The following KLHL24 variants were observed in gnomAD, a reference collection of about 807,000 sequenced individuals.
KLHL24 encodes kelch-like protein 24.
In KLHL24, 29 loss-of-function variants were observed where a neutral mutation model predicts 53.4. The observed-to-expected ratio is 0.54, with a 90% CI of 0.40 to 0.74. The LOEUF is 0.74. Among genes scored for constraint, KLHL24 ranks in the 30% least tolerant of loss-of-function variants. KLHL24 has a pLI of 0.00. For missense variants in KLHL24, 504 were observed against 744.0 expected (o/e 0.68, Z 3.75); for synonymous variants, 222 against 253.7 (o/e 0.88, Z 1.19).
intron 5 of KLHL24, among the ~76,000 whole-genome samples, chr3:183,669,838 C>T (rs927574981): frequency 2.0e-5 from 3 of 152,054 alleles, no homozygotes; most frequent in African/African-American, 7.2e-5. Flanking sequence ...TGGGTGATGG[C>T]AGCGGGAAAC....
In KLHL24 at chr3:183,641,457, A is replaced by G. The variant is rs904984079; in HGVS notation, c.-124-2023A>G. On this transcript the variant is annotated intron_variant, in intron 1 of 7. Transcript: ENST00000242810. ...CATGCCACTGCACTCCAGCCTGGCA[A>G]CAGAGTGAGACTGTCTCAAAAAAAA... Among the ~76,000 whole-genome samples, 19 of 142,418 alleles carry G rather than the reference A, an allele frequency of 1.3e-4. No homozygotes were observed. The Admixed American group carries it at 1.4e-3, about 10-fold the overall frequency. The allele number at this position is 142,418 out of a possible 152,430, so 93.4% of individuals were successfully genotyped here. A position where few individuals can be genotyped will look rare whatever the true frequency, so the allele number is the denominator to read the frequency against.
chr3:183,663,648 T>C lies in KLHL24; in HGVS notation c.1105+6T>C. 1 of 1,497,692 alleles carries C rather than the reference T, an allele frequency of 6.7e-7. No individual in the cohort carries two copies. The highest frequency in any genetic ancestry group is 9.0e-7 in the Non-Finnish European group (1 of 1,106,720). The allele number at this position is 1,497,692 out of a possible 1,614,324, so 92.8% of individuals were successfully genotyped here. A position where few individuals can be genotyped will look rare whatever the true frequency, so the allele number is the denominator to read the frequency against. ...GAATGACATTCTTGTTTCAGGTAAA[T>C]ATAGAATTATTACAGTAGCTACTTT... is the stretch of plus-strand genomic sequence containing the variant. On this transcript the variant is annotated splice_donor_region_variant and intron_variant, in intron 4 of 7. Transcript: ENST00000242810. The surrounding 1 kb of genome is among the most constrained non-coding windows in gnomAD (Gnocchi z 4.9).
intron 1 of KLHL24, among the ~76,000 whole-genome samples, chr3:183,638,359 C>G (rs1715718106): frequency 6.6e-6 from 1 of 152,144 alleles, no homozygotes; most frequent in African/African-American, 2.4e-5. Flanking sequence ...TTTTTAACTT[C>G]CTTTTCTCCC....
chr3:183,662,139 C>T (rs185764051), intron 3 of KLHL24, among the ~76,000 whole-genome samples: 67 of 152,104 alleles, frequency 4.4e-4, no homozygotes, highest in South Asian at 2.1e-3. Flanking sequence ...ATATAATTTC[C>T]TGGATTCCTA....
chr3:183,640,789 A>G (rs1716296619), intron 1 of KLHL24, among the ~76,000 whole-genome samples: 1 of 151,366 alleles, frequency 6.6e-6, no homozygotes, highest in Non-Finnish European at 1.5e-5. Flanking sequence ...TTTAGTAGAA[A>G]CGGGGTTTCA....
intron 7 of KLHL24, among the ~76,000 whole-genome samples, chr3:183,678,012 C>T (rs1338880070): frequency 3.3e-5 from 5 of 152,092 alleles, no homozygotes; most frequent in South Asian, 2.1e-4. Flanking sequence ...AGACTGGTCT[C>T]GAACTCTTGA....
At chr3:183,649,381 C>G (rs1717795112) in intron 2 of KLHL24, among the ~76,000 whole-genome samples, 1 of 152,022 alleles carries the variant, frequency 6.6e-6, no homozygotes, top group Admixed American at 6.6e-5. Flanking sequence ...TTTGTTCTAG[C>G]CAGAAGATGT....
intron 3 of KLHL24, among the ~76,000 whole-genome samples, chr3:183,654,255 C>T (rs1357947586): frequency 6.6e-6 from 1 of 152,098 alleles, no homozygotes; most frequent in African/African-American, 2.4e-5. Context: ...TCCAGTTGCT[C>T]TTTTTCAATT....
chr3:183,670,735 T>G (rs1338650718), intron 5 of KLHL24, among the ~76,000 whole-genome samples: 1 of 152,206 alleles, frequency 6.6e-6, no homozygotes, highest in African/African-American at 2.4e-5. Context: ...TACCCTTTCT[T>G]GTGTAAAGAA....
intron 7 of KLHL24, among the ~76,000 whole-genome samples, chr3:183,674,618 C>T (rs1160381685): frequency 2.6e-5 from 4 of 152,264 alleles, no homozygotes; most frequent in Admixed American, 6.5e-5. Flanking sequence ...CCTCAGCCTC[C>T]CAAAGTGCTG....
intron 5 of KLHL24, among the ~76,000 whole-genome samples, chr3:183,670,003 G>C (rs536280436): frequency 6.6e-6 from 1 of 152,218 alleles, no homozygotes. Flanking sequence ...CAACACTTTG[G>C]GAGGCTGAGG....
At chr3:183,674,243 T>TTTTTTCTTTC (rs1721762754) in intron 7 of KLHL24, among the ~76,000 whole-genome samples, 2 of 130,970 alleles carry the variant, frequency 1.5e-5, no homozygotes, top group African/African-American at 2.9e-5. Flanking sequence ...TTAGCATCAA[T>TTTTTTCTTTC]TTTCTTTCTT....
intron 1 of KLHL24, among the ~76,000 whole-genome samples, chr3:183,639,639 A>G (rs1716026466): frequency 6.8e-6 from 1 of 147,082 alleles, no homozygotes; most frequent in Admixed American, 6.8e-5. Context: ...CAAAAAAAAA[A>G]AAAAAAAAAA....
At position 183,683,620 on chromosome 3, in the gene KLHL24, C is replaced by T. The variant is rs1344612717; in HGVS notation, c.*4334C>T. 6.6e-6 allele frequency: 1 copy of T among 152,486 alleles called. No individual in the cohort carries two copies. Among genetic ancestry groups the T allele is most frequent in the Admixed American group, 6.6e-5 (1 of 15,264 alleles). 9.4% of individuals were successfully genotyped at this position (152,486 alleles called of 1,614,324 possible). On this transcript the variant is annotated 3_prime_UTR_variant, in exon 8 of 8. Coordinates refer to ENST00000242810, the MANE Select transcript of KLHL24 (RefSeq NM_017644.3). ...GACATTTTTTAATGTTTTATATGAA[C>T]ATTTTACATTTGTGTGATTGCCTTA...
intron 7 of KLHL24, among the ~76,000 whole-genome samples, chr3:183,676,002 G>T (rs1399679064): frequency 6.6e-6 from 1 of 152,104 alleles, no homozygotes; most frequent in African/African-American, 2.4e-5. Flanking sequence ...ATTGACTTTA[G>T]AAATTTAAAG....
chr3:183,675,563 A>G (rs1443060355), intron 7 of KLHL24, among the ~76,000 whole-genome samples: 2 of 152,152 alleles, frequency 1.3e-5, no homozygotes, highest in Non-Finnish European at 2.9e-5. Context: ...CTTATTTCTA[A>G]TTTTTAAAAA....
chr3:183,679,166 T>C lies in KLHL24; in HGVS notation c.1683T>C (p.Thr561=). ...GRRENGEATD[T]ILCYDPATSI... ...GGGAAAATGGAGAAGCCACAGACAC[T>C]ATTCTCTGTTATGATCCTGCAACAA... Residue 561 remains threonine (T), a synonymous_variant, in exon 8 of 8, where the codon ACT becomes ACC. Coordinates refer to ENST00000242810, the MANE Select transcript of KLHL24 (RefSeq NM_017644.3). 1.2e-6 allele frequency: 2 copies of C among 1,613,884 alleles called. No individual in the cohort carries two copies. Among genetic ancestry groups the C allele is most frequent in the Non-Finnish European group, 1.7e-6 (2 of 1,179,806 alleles).
intron 2 of KLHL24, among the ~76,000 whole-genome samples, chr3:183,646,389 A>G (rs908957533): frequency 2.0e-5 from 3 of 151,320 alleles, no homozygotes; most frequent in African/African-American, 7.3e-5. Context: ...AAAAAAATCA[A>G]CATACTGCCT....
At chr3:183,637,802 G>A (rs1272197617) in intron 1 of KLHL24, among the ~76,000 whole-genome samples, 2 of 152,102 alleles carry the variant, frequency 1.3e-5, no homozygotes, top group Non-Finnish European at 2.9e-5. Flanking sequence ...GGGATGACAG[G>A]CGCCCGCCAC....
Sources: allele counts gnomAD v4.1 joint callset (sites outside exome capture counted in the v4.1 genomes callset), GRCh38; gene constraint gnomAD v4.1.1; non-coding constraint Gnocchi (gnomAD v3.1); transcripts MANE v1.5; gene names NCBI Gene and HGNC (gene_info 2026-07-23, HGNC 2026-07-21).